The following INVS variants were observed in gnomAD, a reference collection of about 807,000 sequenced individuals.
The protein encoded by INVS is inversion of embryo turning homolog.
Under a neutral mutation model 108.8 loss-of-function variants are expected in INVS, and 86 were observed. The observed-to-expected ratio is 0.79, with a 90% confidence interval of 0.66 to 0.95. The LOEUF is 0.95. INVS is among the 40% of genes least tolerant of loss of function. The pLI, the probability that INVS is intolerant of heterozygous loss-of-function variation, is 0.00. For synonymous variants in INVS, 455 were observed against 473.5 expected (o/e 0.96, Z 0.51); for missense variants, 1,169 against 1,297.4 (o/e 0.90, Z 1.52).
At position 100,240,101 on chromosome 9, in the gene INVS, C is replaced by A; in HGVS notation, c.657C>A (p.Tyr219Ter). ...PTESLLNWQD[Y>*]EGRTPLHFAV... ...AGTCTTTACTGAACTGGCAAGACTA[C>A]GAGGGTCGAACTCCTCTTCACTTTG... is the stretch of plus-strand genomic sequence containing the variant. Residue 219 changes from tyrosine to a stop codon, truncating the protein, a stop_gained, in exon 6 of 17, where the codon TAC becomes TAA. Coordinates refer to ENST00000262457, the MANE Select transcript of INVS (RefSeq NM_014425.5). LOFTEE classifies it high-confidence loss of function. 1.2e-6 allele frequency: 2 copies of A among 1,614,098 alleles called. No individual in the cohort carries two copies. Among genetic ancestry groups the A allele is most frequent in the South Asian group, 2.2e-5 (2 of 91,084 alleles).
intron 5 of INVS, among the ~76,000 whole-genome samples, chr9:100,234,910 G>A (rs1831629687): frequency 6.6e-6 from 1 of 152,174 alleles, no homozygotes; most frequent in Non-Finnish European, 1.5e-5. Flanking sequence ...TTCAAGTCCT[G>A]AATATCCTTC....
intron 1 of INVS, among the ~76,000 whole-genome samples, chr9:100,100,699 T>C (rs866973621): frequency 2.6e-4 from 2 of 7,818 alleles, no homozygotes; most frequent in African/African-American, 1.5e-3. Context: ...ATTATATATG[T>C]ACATATAATA....
intron 3 of INVS, among the ~76,000 whole-genome samples, chr9:100,169,418 C>T (rs371252534): frequency 2.6e-5 from 4 of 152,158 alleles, no homozygotes; most frequent in Non-Finnish European, 4.4e-5. Context: ...AATGAGTTAG[C>T]TCGTTCTCTA....
chr9:100,227,414 GCTA>G (rs912624186), intron 4 of INVS, among the ~76,000 whole-genome samples: 2 of 152,126 alleles, frequency 1.3e-5, no homozygotes, highest in Non-Finnish European at 2.9e-5. Context: ...TGCTGACAAT[GCTA>G]CTCACGAGGG....
chr9:100,176,926 A>G (rs1293155795), intron 3 of INVS, among the ~76,000 whole-genome samples: 1 of 152,026 alleles, frequency 6.6e-6, no homozygotes, highest in Non-Finnish European at 1.5e-5. Flanking sequence ...TGTATTTGCT[A>G]CATCACAATG....
At chr9:100,125,594 G>T (rs749535197) in intron 2 of INVS, among the ~76,000 whole-genome samples, 1 of 151,956 alleles carries the variant, frequency 6.6e-6, no homozygotes, top group Non-Finnish European at 1.5e-5. Flanking sequence ...TTTGCCCTGG[G>T]GATTTTAGTT....
At chr9:100,291,910 T>C (rs1222206445) in intron 13 of INVS, among the ~76,000 whole-genome samples, 1 of 152,238 alleles carries the variant, frequency 6.6e-6, no homozygotes, top group African/African-American at 2.4e-5. Context: ...CTGCAAGGAC[T>C]CATTTTCTGT....
intron 3 of INVS, among the ~76,000 whole-genome samples, chr9:100,185,796 A>T (rs1474943725): frequency 6.6e-6 from 1 of 152,026 alleles, no homozygotes; most frequent in Non-Finnish European, 1.5e-5. Context: ...AAGTGAGAAC[A>T]TACAGTATTT....
At chr9:100,167,544 C>T (rs571906561) in intron 3 of INVS, among the ~76,000 whole-genome samples, 1 of 152,268 alleles carries the variant, frequency 6.6e-6, no homozygotes, top group Admixed American at 6.5e-5. Flanking sequence ...TCTGGCAATC[C>T]TATCTAATAC....
At position 100,300,940 on chromosome 9, in the gene INVS, C is replaced by A; in HGVS notation, c.*266C>A. ...CAAAGTGCCTGAGTGTCTGCTTTCA[C>A]CTCAGTCTGTACAGTTGGAAATGAG... On this transcript the variant is annotated 3_prime_UTR_variant, in exon 17 of 17. Transcript: ENST00000262457. 4.0e-6 allele frequency: 2 copies of A among 505,972 alleles called. No homozygotes were observed. Among genetic ancestry groups the A allele is most frequent in the South Asian group, 2.1e-5 (1 of 47,160 alleles). 31.3% of individuals were successfully genotyped at this position (505,972 alleles called of 1,614,324 possible). A position where few individuals can be genotyped will look rare whatever the true frequency, so the allele number is the denominator to read the frequency against.
In INVS at chr9:100,292,857, T is replaced by C; in HGVS notation, c.2600T>C (p.Leu867Pro). Reference protein sequence around the residue: ...SGARRLETSTLSEDFQVSKET... With the variant: ...SGARRLETSTPSEDFQVSKET... ...GCTAGGAGGCTGGAGACATCTACCC[T>C]GTCCGAGGACTTTCAGGTATCTAAG... The change falls in exon 14 of 17, where the codon CTG becomes CCG. Residue 867 changes from leucine (L) to proline (P), a missense_variant. Physicochemically the swap from Leu to Pro is moderately conservative, Grantham distance 98 (BLOSUM62 -3). Coordinates refer to ENST00000262457, the MANE Select transcript of INVS (RefSeq NM_014425.5). 6.2e-7 allele frequency: 1 copy of C among 1,614,166 alleles called. No homozygotes were observed. The highest frequency in any genetic ancestry group is 8.5e-7 in the Non-Finnish European group (1 of 1,180,020).
chr9:100,171,534 C>T (rs565186311), intron 3 of INVS, among the ~76,000 whole-genome samples: 39 of 152,052 alleles, frequency 2.6e-4, no homozygotes, highest in Admixed American at 1.4e-3. Context: ...AGGTAGAAAA[C>T]GTGGAGAGAT....
intron 12 of INVS, among the ~76,000 whole-genome samples, chr9:100,283,377 C>T (rs1833337254): frequency 6.6e-6 from 1 of 152,158 alleles, no homozygotes; most frequent in Non-Finnish European, 1.5e-5. Flanking sequence ...CTGGCTGTCC[C>T]CTTCTGGGTA....
intron 3 of INVS, among the ~76,000 whole-genome samples, chr9:100,146,693 C>A (rs1828628623): frequency 6.6e-6 from 1 of 152,022 alleles, no homozygotes; most frequent in South Asian, 2.1e-4. Context: ...GTTTAAAAGA[C>A]AGTTTGTTAG....
chr9:100,160,163 G>A (rs1253174514), intron 3 of INVS, among the ~76,000 whole-genome samples: 1 of 152,132 alleles, frequency 6.6e-6, no homozygotes, highest in African/African-American at 2.4e-5. Context: ...TATTCTGAGG[G>A]CATATTCTGT....
At chr9:100,186,570 A>G (rs567922451) in intron 3 of INVS, among the ~76,000 whole-genome samples, 3 of 152,194 alleles carry the variant, frequency 2.0e-5, no homozygotes, top group South Asian at 4.1e-4. Context: ...TGGCTGGGCT[A>G]TGGTGATATT....
intron 11 of INVS, among the ~76,000 whole-genome samples, chr9:100,272,096 A>G (rs927157889): frequency 6.6e-6 from 1 of 151,540 alleles, no homozygotes; most frequent in Non-Finnish European, 1.5e-5. Context: ...TCGAACTCCT[A>G]ACCTCAAGTG....
intron 3 of INVS, among the ~76,000 whole-genome samples, chr9:100,132,597 T>C (rs558370904): frequency 6.6e-6 from 1 of 152,304 alleles, no homozygotes; most frequent in Non-Finnish European, 1.5e-5. Flanking sequence ...CACACTACAA[T>C]GTAGGTGCAA....
In INVS at chr9:100,252,993, A is replaced by G; in HGVS notation, c.1321A>G (p.Ile441Val). Residue 441 changes from isoleucine (I) to valine (V), a missense_variant, in exon 10 of 17, where the codon ATA becomes GTA. Ile to Val is a conservative substitution (Grantham distance 29). This residue lies in a region of INVS where 271 missense variants were observed against 363.8 expected (regional missense o/e 0.74). Coordinates refer to ENST00000262457, the MANE Select transcript of INVS (RefSeq NM_014425.5). ...GGGAGGAAATGCTGATGTTTGCCAG[A>G]TATTAATAGAAAATAAGATCAATCC... The part of the protein sequence containing the change: ...ALGGNADVCQ[I>V]LIENKINPNV... 6.2e-7 allele frequency: 1 copy of G among 1,613,998 alleles called. No homozygotes were observed. Among genetic ancestry groups the G allele is most frequent in the Non-Finnish European group, 8.5e-7 (1 of 1,179,878 alleles).
Sources: allele counts gnomAD v4.1 joint callset (sites outside exome capture counted in the v4.1 genomes callset), GRCh38; gene constraint gnomAD v4.1.1; regional missense constraint gnomAD v4.1.1; transcripts MANE v1.5; gene names NCBI Gene and HGNC (gene_info 2026-07-23, HGNC 2026-07-21).